Variants in KIF5C observed in about 807,000 individuals in gnomAD.
KIF5C encodes kinesin heavy chain isoform 5C.
KIF5C carries 18 observed loss-of-function variants against 125.2 expected under a neutral mutation model. The observed-to-expected ratio is 0.14, with a 90% CI of 0.10 to 0.21. The LOEUF is 0.21. KIF5C is among the 10% of genes least tolerant of loss of function. The probability of loss-of-function intolerance (pLI) is 1.00; values close to 1 mark genes in which losing one functional copy is unlikely to be tolerated. For missense variants in KIF5C, 780 were observed against 1,183.8 expected (o/e 0.66, Z 5.01); for synonymous variants, 405 against 434.0 (o/e 0.93, Z 0.83).
intron 3 of KIF5C, among the ~76,000 whole-genome samples, chr2:148,935,933 A>T (rs890720689): frequency 7.9e-5 from 12 of 152,210 alleles, no homozygotes; most frequent in African/African-American, 2.9e-4. Flanking sequence ...AACTATTTAG[A>T]TTCTTAATAG....
rs1574764190 is a variant in KIF5C at position 148,933,512 on chromosome 2, GACACACC to G, written c.292-3761_292-3755del. ...TGCACACCACGCACATATACACACA[GACACACC>G]ACACACCACATACCATACACCCCCA... is the stretch of plus-strand genomic sequence containing the variant. On this transcript the variant is annotated intron_variant, in intron 3 of 25. Coordinates refer to ENST00000435030, the MANE Select transcript of KIF5C (RefSeq NM_004522.3). 2.7e-5 allele frequency among the ~76,000 whole-genome samples: 4 copies of G among 148,154 alleles called. No individual in the cohort carries two copies. The East Asian group carries it at 6.0e-4, about 22-fold the overall frequency.
chr2:148,963,858 A>G (rs1682986547), intron 11 of KIF5C, among the ~76,000 whole-genome samples: 1 of 152,036 alleles, frequency 6.6e-6, no homozygotes. Flanking sequence ...TCCCTCATCA[A>G]ATGCCATCCT....
intron 21 of KIF5C, among the ~76,000 whole-genome samples, chr2:149,004,311 C>G (rs1305707836): frequency 6.6e-6 from 1 of 152,104 alleles, no homozygotes; most frequent in Non-Finnish European, 1.5e-5. Context: ...GAGTTGCATC[C>G]CTTGAAATTC....
At chr2:149,016,036 C>T (rs1426703358) in intron 25 of KIF5C, among the ~76,000 whole-genome samples, 2 of 152,154 alleles carry the variant, frequency 1.3e-5, no homozygotes, top group Non-Finnish European at 2.9e-5. Context: ...ATGAAAAATG[C>T]CAGGCACACA....
intron 1 of KIF5C, among the ~76,000 whole-genome samples, chr2:148,905,626 T>C (rs900909978): frequency 2.6e-5 from 4 of 152,174 alleles, no homozygotes; most frequent in African/African-American, 9.7e-5. Flanking sequence ...GGCAGGTTTT[T>C]TGCTTTTAAG....
intron 1 of KIF5C, among the ~76,000 whole-genome samples, chr2:148,890,931 A>G (rs1202383615): frequency 6.6e-6 from 1 of 152,210 alleles, no homozygotes; most frequent in Non-Finnish European, 1.5e-5. Context: ...TGTTCTGGCT[A>G]CTGGTTATCA....
intron 1 of KIF5C, among the ~76,000 whole-genome samples, chr2:148,895,327 G>A (rs765348442): frequency 6.6e-6 from 1 of 151,994 alleles, no homozygotes; most frequent in Non-Finnish European, 1.5e-5. Flanking sequence ...TAGTAGAAAT[G>A]GGGTTTCACC....
chr2:148,889,410 G>C (rs528283066), intron 1 of KIF5C, among the ~76,000 whole-genome samples: 2 of 152,210 alleles, frequency 1.3e-5, no homozygotes, highest in African/African-American at 4.8e-5. Context: ...AGGCTGGTGG[G>C]AGGGGAGTCT....
At chr2:148,897,074 C>A (rs1043369062) in intron 1 of KIF5C, among the ~76,000 whole-genome samples, 1 of 152,204 alleles carries the variant, frequency 6.6e-6, no homozygotes, top group East Asian at 1.9e-4. Flanking sequence ...CTCAGGTGAT[C>A]TGCCCGTCTT....
At chr2:149,007,907 G>C (rs1682059361) in intron 22 of KIF5C, 56 bp from the exon 23 acceptor site, 12 of 1,460,536 alleles carry the variant, frequency 8.2e-6, no homozygotes, top group Non-Finnish European at 1.1e-5. Context: ...CATTATCCTG[G>C]GGCGGAGGGT....
intron 21 of KIF5C, among the ~76,000 whole-genome samples, chr2:149,002,092 C>T (rs1036117327): frequency 1.3e-5 from 2 of 152,190 alleles, no homozygotes; most frequent in Non-Finnish European, 2.9e-5. Context: ...GAAATGAAGC[C>T]ATGAAATTGC....
chr2:148,890,506 A>G (rs1161600118), intron 1 of KIF5C, among the ~76,000 whole-genome samples: 1 of 152,030 alleles, frequency 6.6e-6, no homozygotes, highest in African/African-American at 2.4e-5. Flanking sequence ...GACTCTAAAC[A>G]AAAAAAAGAG....
In KIF5C at chr2:148,950,304, T is replaced by C. The variant is rs1221042028; in HGVS notation, c.820-10T>C. ...CTGTCAAAACCAATACTTTTTCTTT[T>C]CCTAAATAGAAAACACATGTGCCAT... On this transcript the variant is annotated splice_polypyrimidine_tract_variant and intron_variant, in intron 9 of 25. Transcript: ENST00000435030. 1.2e-6 allele frequency: 2 copies of C among 1,612,450 alleles called. No homozygotes were observed. Among genetic ancestry groups the C allele is most frequent in the African/African-American group, 2.7e-5 (2 of 75,018 alleles).
chr2:149,016,631 T>C (rs1453178438), intron 25 of KIF5C, among the ~76,000 whole-genome samples: 1 of 152,172 alleles, frequency 6.6e-6, no homozygotes, highest in Non-Finnish European at 1.5e-5. Flanking sequence ...GTGGGAAAGC[T>C]TGGTTTCCAT....
At chr2:148,901,918 C>G (rs187666801) in intron 1 of KIF5C, among the ~76,000 whole-genome samples, 2 of 152,326 alleles carry the variant, frequency 1.3e-5, no homozygotes, top group Non-Finnish European at 2.9e-5. Context: ...ATAGCCCCTG[C>G]AGAGGCCAGA....
chr2:148,908,558 G>A (rs1156317200), intron 1 of KIF5C, among the ~76,000 whole-genome samples: 1 of 152,114 alleles, frequency 6.6e-6, no homozygotes, highest in African/African-American at 2.4e-5. Flanking sequence ...ATTCTTACTG[G>A]GTGGCCTTGT....
In KIF5C at chr2:148,979,000, G is replaced by A; in HGVS notation, c.1362+10G>A. ...GTTGGATCAGGATGAGGTAAAGAAT[G>A]CAATATATTTTTTTTTCCACAAAGT... On this transcript the variant is annotated intron_variant, in intron 13 of 25. Coordinates refer to ENST00000435030, the MANE Select transcript of KIF5C (RefSeq NM_004522.3). 1 of 1,553,394 alleles carries A rather than the reference G, an allele frequency of 6.4e-7. No homozygotes were observed. Among genetic ancestry groups the A allele is most frequent in the Non-Finnish European group, 8.7e-7 (1 of 1,149,982 alleles).
At chr2:149,001,801 A>G (rs185892651) in intron 21 of KIF5C, among the ~76,000 whole-genome samples, 10 of 152,350 alleles carry the variant, frequency 6.6e-5, no homozygotes, top group African/African-American at 2.2e-4. Context: ...GGTTAGATAC[A>G]GTCATCCATT....
At chr2:148,901,785 G>A (rs566975115) in intron 1 of KIF5C, among the ~76,000 whole-genome samples, 2 of 152,126 alleles carry the variant, frequency 1.3e-5, no homozygotes, top group South Asian at 4.2e-4. Flanking sequence ...CTAGCTCCTT[G>A]CTCCTGGAAA....
Sources: allele counts gnomAD v4.1 joint callset (sites outside exome capture counted in the v4.1 genomes callset), GRCh38; gene constraint gnomAD v4.1.1; transcripts MANE v1.5; gene names NCBI Gene and HGNC (gene_info 2026-07-23, HGNC 2026-07-21).